The following C3orf33 variants were observed in gnomAD, a reference collection of about 807,000 sequenced individuals.
C3orf33 encodes AP-1 activity suppressor.
C3orf33 carries 23 observed loss-of-function variants against 28.7 expected under a neutral mutation model. The ratio of observed to expected loss-of-function variants is 0.80; its 90% CI spans 0.58 to 1.13. The LOEUF (loss-of-function observed/expected upper bound fraction) is 1.13, where lower values mean the gene tolerates loss of function less well. Among genes scored for constraint, C3orf33 ranks in the 50% most tolerant of loss-of-function variants. The pLI is 0.00. For synonymous variants in C3orf33, 119 were observed against 120.5 expected, an observed-to-expected ratio of 0.99 and a Z score of 0.08; for missense variants, 327 against 353.4, an observed-to-expected ratio of 0.93 and a Z score of 0.60.
intron 1 of C3orf33, among the ~76,000 whole-genome samples, chr3:155,802,846 T>A (rs1195610824): frequency 1.3e-5 from 2 of 152,092 alleles, no homozygotes; most frequent in Non-Finnish European, 2.9e-5. Flanking sequence ...TATTTAAACA[T>A]ATATACATAC....
intron 2 of C3orf33, among the ~76,000 whole-genome samples, chr3:155,793,809 C>CAAAAAA (rs1176317323): frequency 5.3e-5 from 2 of 37,490 alleles, no homozygotes; most frequent in African/African-American, 7.1e-5. Context: ...GACTCTGACT[C>CAAAAAA]AAAAAAAAAA....
chr3:155,799,027 C>CG (rs1334433057), intron 2 of C3orf33, among the ~76,000 whole-genome samples: 1 of 152,166 alleles, frequency 6.6e-6, no homozygotes, highest in Non-Finnish European at 1.5e-5. Flanking sequence ...AAAAGGTGCT[C>CG]AACATCACTG....
chr3:155,779,073 T>C (rs911179692), intron 2 of C3orf33, among the ~76,000 whole-genome samples: 2 of 152,170 alleles, frequency 1.3e-5, no homozygotes, highest in African/African-American at 4.8e-5. Context: ...ATGGGTGATA[T>C]TTAGAGATTT....
rs952664076 is a variant in C3orf33, at chr3:155,763,773, T to C, written c.629A>G (p.Lys210Arg). ...TTCCTTCCATATTCCTTCTCCTTTT[T>C]TTAAGGCTGTTAATTCAGCTTTAAG... ...NLLKAELTAL[K>R]KGEGIWKEDS... Residue 210 changes from lysine (K) to arginine (R), a missense_variant, in exon 5 of 5, where the codon AAA becomes AGA. Transcript: ENST00000340171. The C allele has an allele frequency of 6.2e-7, 1 of 1,606,380 alleles. No individual in the cohort carries two copies. The highest frequency in any genetic ancestry group is 8.5e-7 in the Non-Finnish European group (1 of 1,177,514).
intron 3 of C3orf33, among the ~76,000 whole-genome samples, chr3:155,772,751 A>C (rs529506702): frequency 8.2e-5 from 12 of 146,762 alleles, no homozygotes; most frequent in African/African-American, 3.0e-4. Flanking sequence ...TAAATGTTTC[A>C]GTTCATAAAA....
chr3:155,778,634 G>A (rs1024405059), intron 2 of C3orf33, among the ~76,000 whole-genome samples: 2 of 152,112 alleles, frequency 1.3e-5, no homozygotes, highest in South Asian at 2.1e-4. Flanking sequence ...ATGAAAGAGA[G>A]GAGAAATGCT....
intron 2 of C3orf33, among the ~76,000 whole-genome samples, chr3:155,800,697 G>A (rs1370487361): frequency 1.4e-5 from 2 of 143,578 alleles, no homozygotes; most frequent in Non-Finnish European, 3.0e-5. Context: ...TCTAATCAGG[G>A]ACTCAGAATG....
At chr3:155,777,859 G>T (rs1337252450) in intron 2 of C3orf33, among the ~76,000 whole-genome samples, 1 of 152,094 alleles carries the variant, frequency 6.6e-6, no homozygotes, top group African/African-American at 2.4e-5. Context: ...TTGTTTTTAA[G>T]TAGGGGTAAT....
chr3:155,788,052 G>C (rs1241369935), intron 2 of C3orf33, among the ~76,000 whole-genome samples: 3 of 151,830 alleles, frequency 2.0e-5, no homozygotes, highest in Admixed American at 6.6e-5. Context: ...TTAGCCGGGC[G>C]TGGTGGCGGG....
At chr3:155,796,959 G>A (rs1375563957) in intron 2 of C3orf33, among the ~76,000 whole-genome samples, 1 of 152,214 alleles carries the variant, frequency 6.6e-6, no homozygotes, top group Non-Finnish European at 1.5e-5. Context: ...GGGAGGCCAA[G>A]GCAGGCAGAT....
At chr3:155,797,228 T>C (rs949665853) in intron 2 of C3orf33, among the ~76,000 whole-genome samples, 1 of 152,138 alleles carries the variant, frequency 6.6e-6, no homozygotes, top group African/African-American at 2.4e-5. Context: ...TTTCAATAGA[T>C]GCTGAAAAAG....
intron 4 of C3orf33, among the ~76,000 whole-genome samples, chr3:155,765,616 C>T (rs999479941): frequency 3.9e-5 from 6 of 152,132 alleles, no homozygotes; most frequent in African/African-American, 1.4e-4. Flanking sequence ...GGCACGATCT[C>T]GGCTTACTGT....
chr3:155,768,071 G>C (rs988869943), intron 3 of C3orf33, among the ~76,000 whole-genome samples: 9 of 151,950 alleles, frequency 5.9e-5, no homozygotes, highest in Admixed American at 5.9e-4. Context: ...GTAGAGACAG[G>C]GTCTCGTTAT....
intron 2 of C3orf33, among the ~76,000 whole-genome samples, chr3:155,790,105 A>G (rs907470603): frequency 2.1e-5 from 3 of 140,050 alleles, no homozygotes; most frequent in Admixed American, 7.8e-5. Flanking sequence ...CAGAAGTTGC[A>G]GTGAGCCGAG....
intron 2 of C3orf33, among the ~76,000 whole-genome samples, chr3:155,778,092 G>A (rs1264270852): frequency 2.2e-5 from 3 of 136,754 alleles, no homozygotes; most frequent in Non-Finnish European, 3.0e-5. Flanking sequence ...GGAGGTTGCA[G>A]TGAGCTGAGA....
At chr3:155,769,142 G>A (rs1256636542) in intron 3 of C3orf33, among the ~76,000 whole-genome samples, 3 of 152,068 alleles carry the variant, frequency 2.0e-5, no homozygotes, top group African/African-American at 7.2e-5. Flanking sequence ...GTGAAACCCT[G>A]TCTCTACTAA....
chr3:155,798,947 T>C (rs898211551), intron 2 of C3orf33, among the ~76,000 whole-genome samples: 11 of 152,130 alleles, frequency 7.2e-5, no homozygotes, highest in African/African-American at 2.7e-4. Context: ...ACGATCTCAT[T>C]TAAAAATGGT....
chr3:155,801,582 A>G (rs961874588), intron 2 of C3orf33, among the ~76,000 whole-genome samples: 5 of 152,200 alleles, frequency 3.3e-5, no homozygotes, highest in African/African-American at 1.2e-4. Context: ...AACATGGATG[A>G]ATCTTAGTAA....
intron 3 of C3orf33, among the ~76,000 whole-genome samples, chr3:155,775,319 A>C (rs111579477): frequency 1.3e-5 from 2 of 151,968 alleles, no homozygotes; most frequent in South Asian, 4.1e-4. Flanking sequence ...GAGAAACCCC[A>C]TCTCTACTAA....
Sources: gnomAD v4.1 joint callset for allele counts (sites outside exome capture counted in the v4.1 genomes callset) on GRCh38, gnomAD v4.1.1 for gene constraint, MANE v1.5 for transcripts, NCBI Gene and HGNC (gene_info 2026-07-23, HGNC 2026-07-21) for gene names.